The following CFAP299 variants were observed in gnomAD, a reference collection of about 807,000 sequenced individuals.
CFAP299 encodes the protein cilia- and flagella-associated protein 299.
In CFAP299, 21 loss-of-function variants were observed where a neutral mutation model predicts 27.0. The observed-to-expected ratio is 0.78, with a 90% CI of 0.55 to 1.12. The LOEUF (loss-of-function observed/expected upper bound fraction) is 1.12, where lower values mean the gene tolerates loss of function less well. Among genes scored for constraint, CFAP299 ranks in the 50% most tolerant of loss-of-function variants. CFAP299 has a pLI of 0.00. For missense variants in CFAP299, 310 were observed against 276.6 expected, an observed-to-expected ratio of 1.12 and a Z score of -0.86; for synonymous variants, 104 against 98.1, an observed-to-expected ratio of 1.06 and a Z score of -0.36.
At chr4:80,404,068 A>G (rs1047524881) in intron 2 of CFAP299, among the ~76,000 whole-genome samples, 1 of 152,200 alleles carries the variant, frequency 6.6e-6, no homozygotes, top group African/African-American at 2.4e-5. Flanking sequence ...AACATACATG[A>G]TTTAAAAAAT....
chr4:80,731,759 T>C (rs1317409188), intron 3 of CFAP299, among the ~76,000 whole-genome samples: 1 of 152,192 alleles, frequency 6.6e-6, no homozygotes, highest in Non-Finnish European at 1.5e-5. Flanking sequence ...GCTGAGTTGA[T>C]GTTTATCAGC....
intron 2 of CFAP299, among the ~76,000 whole-genome samples, chr4:80,462,833 T>C (rs1404883841): frequency 3.3e-5 from 5 of 152,136 alleles, no homozygotes; most frequent in African/African-American, 1.2e-4. Context: ...GTTTTTTTCC[T>C]CAATGAATGA....
At chr4:80,388,150 T>C in intron 2 of CFAP299, 1 of 663,008 alleles carries the variant, frequency 1.5e-6, no homozygotes, top group Non-Finnish European at 2.8e-6. Context: ...GGCTGTGGGG[T>C]GGAGGTGGTG....
intron 3 of CFAP299, among the ~76,000 whole-genome samples, chr4:80,809,248 T>G (rs756507053): frequency 6.6e-6 from 1 of 152,120 alleles, no homozygotes; most frequent in Non-Finnish European, 1.5e-5. Context: ...TGGCACACCC[T>G]ATAATTATAT....
At chr4:80,583,698 T>C (rs1167785589) in intron 3 of CFAP299, among the ~76,000 whole-genome samples, 1 of 151,966 alleles carries the variant, frequency 6.6e-6, no homozygotes, top group East Asian at 1.9e-4. Flanking sequence ...GTGTGCTATA[T>C]CAAATATGTA....
At chr4:80,711,202 C>T (rs436807) in intron 3 of CFAP299, among the ~76,000 whole-genome samples, 130,525 of 152,172 alleles carry the variant, frequency 0.86, 56,492 homozygotes, top group East Asian at 0.97. Flanking sequence ...AGAGTTAAGC[C>T]GCTGACCCTG....
chr4:80,390,933 GTATATATGTATGTA>G, intron 2 of CFAP299, among the ~76,000 whole-genome samples: 4 of 37,836 alleles, frequency 1.1e-4, no homozygotes, highest in Non-Finnish European at 3.0e-4. Context: ...ATGTATATAT[GTATATATGTATGTA>G]CACACATGTA....
In CFAP299 at chr4:80,464,828, A is replaced by G. The variant is rs187965375; in HGVS notation, c.242+101944A>G. Among the ~76,000 whole-genome samples, 50 of 152,234 alleles carry G rather than the reference A, an allele frequency of 3.3e-4. No homozygotes were observed. The East Asian group carries it at 8.9e-3, about 27-fold the overall frequency. On this transcript the variant is annotated intron_variant, in intron 2 of 5. Transcript: ENST00000358105. ...AAAGTATCTGGAATATTATTAATTAATAGAAAAACAAGGATCCTGTGAATT... is the reference window on the plus strand; with the variant it reads ...AAAGTATCTGGAATATTATTAATTAGTAGAAAAACAAGGATCCTGTGAATT...
At chr4:80,333,440 A>G (rs569952424), upstream of CFAP299, among the ~76,000 whole-genome samples, 2 of 152,350 alleles carry the variant, frequency 1.3e-5, no homozygotes, top group African/African-American at 4.8e-5. Flanking sequence ...ACATATTAAT[A>G]GAACGTCTTA....
chr4:80,779,707 A>G (rs1191111935), intron 3 of CFAP299, among the ~76,000 whole-genome samples: 2 of 151,754 alleles, frequency 1.3e-5, no homozygotes, highest in Non-Finnish European at 2.9e-5. Flanking sequence ...TATTCTCCTC[A>G]TGCACTGGCA....
chr4:80,356,938 C>T (rs1057127683), intron 1 of CFAP299, among the ~76,000 whole-genome samples: 6 of 151,994 alleles, frequency 3.9e-5, no homozygotes, highest in Admixed American at 3.9e-4. Flanking sequence ...ATGCTTCCAG[C>T]TTTTGCCCAT....
At chr4:80,585,439 CTAAGT>C (rs369732431) in intron 3 of CFAP299, among the ~76,000 whole-genome samples, 2 of 152,166 alleles carry the variant, frequency 1.3e-5, no homozygotes, top group Admixed American at 6.6e-5. Context: ...TGCTCTATTA[CTAAGT>C]TATTTTTTTC....
chr4:80,512,655 A>G (rs1180045903), intron 2 of CFAP299, among the ~76,000 whole-genome samples: 1 of 152,124 alleles, frequency 6.6e-6, no homozygotes, highest in Non-Finnish European at 1.5e-5. Flanking sequence ...TCTATTTACC[A>G]GCTGTGGGGA....
At chr4:80,871,378 G>C (rs1428566303) in intron 4 of CFAP299, 2 of 985,208 alleles carry the variant, frequency 2.0e-6, no homozygotes, top group African/African-American at 3.5e-5. Context: ...CACTGCACTT[G>C]TAGCTACCCC....
At chr4:80,723,582 G>T (rs1722966646) in intron 3 of CFAP299, among the ~76,000 whole-genome samples, 1 of 152,044 alleles carries the variant, frequency 6.6e-6, no homozygotes, top group African/African-American at 2.4e-5. Flanking sequence ...GCTGTGAAGA[G>T]GTGAGAAGAA....
intron 2 of CFAP299, among the ~76,000 whole-genome samples, chr4:80,426,368 A>G (rs1727528478): frequency 6.6e-6 from 1 of 152,146 alleles, no homozygotes; most frequent in Admixed American, 6.5e-5. Context: ...TAGTTTTTAT[A>G]TTGGAATATG....
At chr4:80,541,419 A>G (rs1733989351) in intron 2 of CFAP299, among the ~76,000 whole-genome samples, 1 of 152,222 alleles carries the variant, frequency 6.6e-6, no homozygotes, top group African/African-American at 2.4e-5. Context: ...ATATGCATAT[A>G]TGTACAAGAA....
rs781611359 is a variant in CFAP299, at chr4:80,759,775, C to T, written c.334-110218C>T. ...AAAAATAGAAATAATTATGACTTTA[C>T]GTAACTTTTACACTGAATTTATTTA... is the stretch of plus-strand genomic sequence containing the variant. On this transcript the variant is annotated intron_variant, in intron 3 of 5. Transcript: ENST00000358105. Among the ~76,000 whole-genome samples the T allele has an allele frequency of 1.5e-4, 23 of 152,252 alleles. No homozygotes were observed. The Middle Eastern group carries it at 0.014, about 90-fold the overall frequency.
intron 3 of CFAP299, among the ~76,000 whole-genome samples, chr4:80,833,143 A>G (rs72881537): frequency 0.11 from 17,062 of 152,216 alleles, 1,058 homozygotes; most frequent in African/African-American, 0.15. Flanking sequence ...ATTTTGCAGT[A>G]TGTGCTGAAC....
Sources: allele counts gnomAD v4.1 joint callset (sites outside exome capture counted in the v4.1 genomes callset), GRCh38; gene constraint gnomAD v4.1.1; transcripts MANE v1.5; gene names NCBI Gene and HGNC (gene_info 2026-07-23, HGNC 2026-07-21).